Variants in NDRG4 observed in about 807,000 individuals in gnomAD.
The protein encoded by NDRG4 is protein NDRG4.
Under a neutral mutation model 55.8 loss-of-function variants are expected in NDRG4, and 38 were observed. The observed-to-expected ratio is 0.68, with a 90% CI of 0.53 to 0.89. NDRG4 has a LOEUF of 0.89. NDRG4 is among the 40% of genes least tolerant of loss of function. The probability of loss-of-function intolerance (pLI) is 0.00; values close to 1 mark genes in which losing one functional copy is unlikely to be tolerated. For missense variants in NDRG4, 455 were observed against 468.6 expected, an observed-to-expected ratio of 0.97 and a Z score of 0.27; for synonymous variants, 190 against 182.7, an observed-to-expected ratio of 1.04 and a Z score of -0.32.
chr16:58,489,327 G>A (rs1214339387), intron 2 of NDRG4, among the ~76,000 whole-genome samples: 1 of 151,876 alleles, frequency 6.6e-6, no homozygotes, highest in South Asian at 2.1e-4. Context: ...TCTGCTTAAC[G>A]AGCCATCTCA....
At chr16:58,482,566 C>T (rs1405471938) in intron 1 of NDRG4, among the ~76,000 whole-genome samples, 2 of 152,196 alleles carry the variant, frequency 1.3e-5, no homozygotes, top group Non-Finnish European at 2.9e-5. Context: ...GTAGGACCCC[C>T]AGTCACTGAG....
rs56119933 is a variant in NDRG4, at chr16:58,486,700, T to TAC, written c.-23-1007_-23-1006dup. On this transcript the variant is annotated intron_variant, in intron 1 of 15. Coordinates refer to the NDRG4 transcript ENST00000258187. ...TCTTCCTTCCCTCACCACTGGCTCC[T>TAC]ACACACACACACACACACACACACA... Among the ~76,000 whole-genome samples, 829 of 128,120 alleles carry TAC rather than the reference T, an allele frequency of 6.5e-3. 17 individuals are homozygous for TAC. Among genetic ancestry groups the TAC allele is most frequent in the African/African-American group, 0.014 (471 of 33,284 alleles). 84.1% of individuals were successfully genotyped at this position (128,120 alleles called of 152,430 possible). A position where few individuals can be genotyped will look rare whatever the true frequency, so the allele number is the denominator to read the frequency against.
rs2038251301 is a variant in NDRG4, at chr16:58,507,883, T to A, written c.677+19T>A. 6.2e-7 allele frequency: 1 copy of A among 1,613,986 alleles called. No homozygotes were observed. The highest frequency in any genetic ancestry group is 8.5e-7 in the Non-Finnish European group (1 of 1,179,954). On this transcript the variant is annotated intron_variant, in intron 9 of 14. Coordinates refer to ENST00000570248, the MANE Select transcript of NDRG4 (RefSeq NM_001242835.2). ...CGCTCCGGTGAGTGGCCCCTGGCCCTCTGGCCTGCCCTGGCCTTTGCCCCC... is the reference window on the plus strand; with the variant it reads ...CGCTCCGGTGAGTGGCCCCTGGCCCACTGGCCTGCCCTGGCCTTTGCCCCC...
rs2031115114 is a variant in NDRG4 at position 58,464,196 on chromosome 16, G to A, written c.-24+399G>A. 2.6e-6 allele frequency: 1 copy of A among 386,764 alleles called. No individual in the cohort carries two copies. The highest frequency in any genetic ancestry group is 4.6e-6 in the Non-Finnish European group (1 of 219,022). 24.0% of individuals were successfully genotyped at this position (386,764 alleles called of 1,614,324 possible). ...GAGTTCACCGGGACCAGGTGGCGGC[G>A]GGTGCCTTTTTGGGGGTGCGCGGCC... On this transcript the variant is annotated intron_variant, in intron 1 of 15. Coordinates refer to the NDRG4 transcript ENST00000258187. The surrounding 1 kb of genome is among the most constrained non-coding windows in gnomAD (Gnocchi z 4.8).
chr16:58,494,033 G>A (rs557007816), intron 2 of NDRG4, among the ~76,000 whole-genome samples: 12 of 152,288 alleles, frequency 7.9e-5, no homozygotes, highest in Non-Finnish European at 1.3e-4. Flanking sequence ...GTGCAGCCTC[G>A]TAACCTGTGG....
intron 1 of NDRG4, among the ~76,000 whole-genome samples, chr16:58,482,786 C>G (rs2034618937): frequency 7.3e-6 from 1 of 136,912 alleles, no homozygotes; most frequent in Non-Finnish European, 1.5e-5. Context: ...CCTTCCTTCT[C>G]TCTCTCTCTT....
At chr16:58,506,221 G>C (rs1045593649) in intron 5 of NDRG4, 166 bp from the exon 6 acceptor site, 2 of 707,226 alleles carry the variant, frequency 2.8e-6, no homozygotes, top group Admixed American at 2.0e-5. Flanking sequence ...ACTGTGAAGG[G>C]TTCAGTGAGA....
chr16:58,506,073 A>G (rs2151819732), intron 5 of NDRG4: 1 of 515,636 alleles, frequency 1.9e-6, no homozygotes, highest in East Asian at 4.1e-5. Context: ...AGATTTTAAG[A>G]TGTTTAATAC....
chr16:58,511,720 T>G lies in NDRG4; in HGVS notation c.*144T>G. On this transcript the variant is annotated 3_prime_UTR_variant, in exon 15 of 15. Transcript: ENST00000570248. ...AAAAAAATGAGGGGATCTTAGATGC[T>G]GCAGCAGAACAGTCTCCAGGTGTTT... 1.0e-6 allele frequency: 1 copy of G among 973,798 alleles called. No individual in the cohort carries two copies. Among genetic ancestry groups the G allele is most frequent in the Non-Finnish European group, 1.6e-6 (1 of 624,914 alleles). 60.3% of individuals were successfully genotyped at this position (973,798 alleles called of 1,614,324 possible).
upstream of NDRG4, among the ~76,000 whole-genome samples, chr16:58,496,171 A>G (rs539574832): frequency 6.6e-6 from 1 of 152,200 alleles, no homozygotes; most frequent in African/African-American, 2.4e-5. Flanking sequence ...ACACAGGCCC[A>G]CGGTGTGGGG....
intron 2 of NDRG4, among the ~76,000 whole-genome samples, chr16:58,490,714 C>T (rs895618268): frequency 3.3e-5 from 5 of 152,198 alleles, no homozygotes; most frequent in Non-Finnish European, 5.9e-5. Context: ...TGTTGGCTCA[C>T]GCCTGTAATC....
intron 1 of NDRG4, among the ~76,000 whole-genome samples, chr16:58,482,770 T>C (rs924817695): frequency 1.4e-5 from 2 of 138,082 alleles, no homozygotes; most frequent in African/African-American, 5.2e-5. Flanking sequence ...CCTTCCTTCC[T>C]TTTTTCCTTC....
At chr16:58,506,788 CCT>C (rs1006460347) in intron 7 of NDRG4, 122 bp from the exon 8 acceptor site, 88 of 1,169,282 alleles carry the variant, frequency 7.5e-5, no homozygotes, top group Middle Eastern at 2.0e-4. Flanking sequence ...CTGCCCCCAC[CCT>C]GTCTCCCCTG....
chr16:58,515,331 T>C, downstream of NDRG4: 1 of 581,762 alleles, frequency 1.7e-6, no homozygotes, highest in African/African-American at 2.0e-5. Context: ...GGGACTCTCC[T>C]TCTGCACTCG....
rs375690377 is a variant in NDRG4 at position 58,504,521 on chromosome 16, C to T, written c.312-68C>T. 5.1e-5 allele frequency: 82 copies of T among 1,611,972 alleles called. No individual in the cohort carries two copies. In the African/African-American group the frequency reaches 9.3e-4, roughly 18 times the overall value. On this transcript the variant is annotated intron_variant, in intron 4 of 14. Transcript: ENST00000570248. ...GAGGGCTTCAGGCTATGGGCAGGGC[C>T]TGCTCTGGATGACATGTATGGGAAA...
At chr16:58,480,411 G>A (rs546905605) in intron 1 of NDRG4, among the ~76,000 whole-genome samples, 14 of 152,262 alleles carry the variant, frequency 9.2e-5, no homozygotes, top group South Asian at 4.1e-4. Context: ...GTGAGCCACC[G>A]CACCCGGCCC....
chr16:58,486,440 A>G (rs1463308820), intron 1 of NDRG4, among the ~76,000 whole-genome samples: 1 of 151,424 alleles, frequency 6.6e-6, no homozygotes, highest in Non-Finnish European at 1.5e-5. Flanking sequence ...GATTATAGGC[A>G]TGAGCCACTG....
rs1275927434 is a variant in NDRG4, at chr16:58,511,655, T to C, written c.*79T>C. On this transcript the variant is annotated 3_prime_UTR_variant, in exon 15 of 15. Coordinates refer to ENST00000570248, the MANE Select transcript of NDRG4 (RefSeq NM_001242835.2). ...GCCGGCTCATGTTCCCTTTAGTTTA[T>C]TTTTGTGAGGGCAAAGGGGAGGAAA... 1.3e-6 allele frequency: 2 copies of C among 1,573,202 alleles called. No homozygotes were observed. Among genetic ancestry groups the C allele is most frequent in the Non-Finnish European group, 1.7e-6 (2 of 1,144,570 alleles).
chr16:58,504,398 C>T lies in NDRG4; in HGVS notation c.288C>T (p.Leu96=), dbSNP rs775207438. The T allele has an allele frequency of 8.1e-6, 13 of 1,612,650 alleles. No homozygotes were observed. The highest frequency in any genetic ancestry group is 1.6e-4 in the Middle Eastern group (1 of 6,062). ...FPSMEQLAAM[L]PSVVQHFGFK... is the part of the protein sequence containing the mutation. The stretch of plus-strand genomic sequence containing the variant: ...CCATGGAGCAGCTGGCTGCCATGCT[C>T]CCCAGCGTGGTGCAGCATTTCGGGT... Residue 96 remains leucine, a synonymous_variant, in exon 4 of 15, where the codon CTC becomes CTT. Coordinates refer to ENST00000570248, the MANE Select transcript of NDRG4 (RefSeq NM_001242835.2).
Sources: allele counts gnomAD v4.1 joint callset (sites outside exome capture counted in the v4.1 genomes callset), GRCh38; gene constraint gnomAD v4.1.1; non-coding constraint Gnocchi (gnomAD v3.1); transcripts MANE v1.5; gene names NCBI Gene and HGNC (gene_info 2026-07-23, HGNC 2026-07-21).